Variants in IPO5 observed in about 807,000 individuals in gnomAD.
The protein encoded by IPO5 is importin-5.
Under a neutral mutation model 143.3 loss-of-function variants are expected in IPO5, and 18 were observed. That is an observed-to-expected ratio of 0.13 (90% CI 0.09 to 0.19). IPO5 has a LOEUF of 0.19. Among genes scored for constraint, IPO5 ranks in the 10% least tolerant of loss-of-function variants. The probability of loss-of-function intolerance (pLI) is 1.00; values close to 1 mark genes in which losing one functional copy is unlikely to be tolerated. For synonymous variants in IPO5, 477 were observed against 465.7 expected, an observed-to-expected ratio of 1.02 and a Z score of -0.31; for missense variants, 1,013 against 1,336.9, an observed-to-expected ratio of 0.76 and a Z score of 3.78.
At chr13:98,019,138 G>C (rs1890313853) in intron 26 of IPO5, among the ~76,000 whole-genome samples, 1 of 152,028 alleles carries the variant, frequency 6.6e-6, no homozygotes, top group Admixed American at 6.5e-5. Flanking sequence ...ATTTTTAGTA[G>C]AGATGGGGTT....
At chr13:97,986,360 A>ATT (rs1555306392) in intron 6 of IPO5, among the ~76,000 whole-genome samples, 2 of 141,314 alleles carry the variant, frequency 1.4e-5, no homozygotes, top group Non-Finnish European at 3.1e-5. Flanking sequence ...GTATATATAT[A>ATT]TTTTTTTTTT....
intron 4 of IPO5, among the ~76,000 whole-genome samples, chr13:97,980,361 C>A (rs1019391942): frequency 6.6e-6 from 1 of 152,216 alleles, no homozygotes; most frequent in African/African-American, 2.4e-5. Context: ...GTACTAAACT[C>A]TCCCACCATT....
chr13:97,976,660 T>G, intron 3 of IPO5, 33 bp from the exon 4 acceptor site: 1 of 1,097,288 alleles, frequency 9.1e-7, no homozygotes, highest in Admixed American at 2.8e-5. Context: ...TCACGGCTCC[T>G]GTCTCCCCTC....
chr13:98,002,324 GT>G (rs1347150086), intron 13 of IPO5, 142 bp from the exon 14 acceptor site: 1 of 689,388 alleles, frequency 1.5e-6, no homozygotes, highest in African/African-American at 1.8e-5. Flanking sequence ...CTATACAAAT[GT>G]TTTTATATTA....
At chr13:97,960,425 G>T (rs1884769779) in intron 2 of IPO5, 1 of 152,138 alleles carries the variant, frequency 6.6e-6, no homozygotes, top group East Asian at 1.9e-4. Flanking sequence ...GTGAATGATA[G>T]GGGGAAAAAA....
At chr13:98,008,821 T>G (rs981452866) in intron 18 of IPO5, among the ~76,000 whole-genome samples, 8 of 152,250 alleles carry the variant, frequency 5.3e-5, no homozygotes, top group African/African-American at 1.9e-4. Flanking sequence ...GTATTCCCAA[T>G]GCCTAACATA....
In IPO5 at chr13:98,018,620, A is replaced by G. The variant is rs1381626471; in HGVS notation, c.2752A>G (p.Ser918Gly). ...RPMLQYVCDN[S>G]PEVRQAAAYG... ...AATGCTCCAATATGTATGTGACAAC[A>G]GCCCAGAAGTCAGGCAAGCAGCTGC... Residue 918 changes from serine to glycine, a missense_variant, in exon 26 of 29, where the codon AGC becomes GGC. This residue lies in a region of IPO5 where 685 missense variants were observed against 994.9 expected (regional missense o/e 0.69). Coordinates refer to ENST00000651721, the MANE Select transcript of IPO5 (RefSeq NM_002271.6). The G allele has an allele frequency of 1.2e-6, 2 of 1,614,216 alleles. No homozygotes were observed.
Position 98,000,624 on chromosome 13 carries a change from A to G in IPO5, c.1087A>G (p.Ile363Val), listed in dbSNP as rs1168622167. 2 of 1,613,698 alleles carry G rather than the reference A, an allele frequency of 1.2e-6. No homozygotes were observed. The highest frequency in any genetic ancestry group is 1.3e-5 in the African/African-American group (1 of 75,058). The change falls in exon 13 of 29, where the codon ATT becomes GTT. Residue 363 changes from isoleucine to valine, a missense_variant. This residue lies in a region of IPO5 where 685 missense variants were observed against 994.9 expected (regional missense o/e 0.69). Transcript: ENST00000651721. ...CGTTCTGCCGATGATCAAGGAACAC[A>G]TTATGCAAATGCTTCAAAATCGTAA... ...KLVLPMIKEHIMQMLQNPDWK... is the reference protein window; with the variant it reads ...KLVLPMIKEHVMQMLQNPDWK...
At chr13:97,971,845 T>C (rs547166091) in intron 3 of IPO5, among the ~76,000 whole-genome samples, 4 of 152,318 alleles carry the variant, frequency 2.6e-5, no homozygotes, top group South Asian at 2.1e-4. Context: ...CAAATCCATC[T>C]TACTAATAAA....
At chr13:97,964,670 C>G (rs961645912) in intron 2 of IPO5, among the ~76,000 whole-genome samples, 1 of 151,714 alleles carries the variant, frequency 6.6e-6, no homozygotes, top group Admixed American at 6.6e-5. Flanking sequence ...AGGATGGTCT[C>G]GATCTCCTGA....
At chr13:98,003,173 G>A (rs181446446) in intron 16 of IPO5, 136 bp downstream of exon 16, 70 of 710,796 alleles carry the variant, frequency 9.8e-5, no homozygotes, top group African/African-American at 5.3e-4. Context: ...GAGGCTATTC[G>A]GAGTTGTGGA....
chr13:97,989,304 A>G (rs1313154598), intron 7 of IPO5, 140 bp downstream of exon 7: 2 of 506,070 alleles, frequency 4.0e-6, no homozygotes, highest in East Asian at 6.7e-5. Flanking sequence ...TTGTATTTGT[A>G]TTGGAAGCAA....
intron 27 of IPO5, among the ~76,000 whole-genome samples, 168 bp from the exon 28 acceptor site, chr13:98,020,823 GC>G (rs1006552197): frequency 6.6e-6 from 1 of 151,822 alleles, no homozygotes; most frequent in Admixed American, 6.6e-5. Flanking sequence ...TGAGAGATGA[GC>G]CCAGTATTTT....
rs756899201 is a variant in IPO5 at position 98,000,575 on chromosome 13, G to C, written c.1038G>C (p.Met346Ile). Residue 346 changes from methionine (M) to isoleucine (I), a missense_variant, in exon 13 of 29, where the codon ATG becomes ATC. Physicochemically the swap from Met to Ile is conservative, Grantham distance 10. Coordinates refer to ENST00000651721, the MANE Select transcript of IPO5 (RefSeq NM_002271.6). ...AVAGESALDR[M>I]ACGLGGKLVL... ...CAGGCGAGAGTGCTCTAGATCGAAT[G>C]GCTTGCGGACTTGGTGGAAAGCTCG... The C allele has an allele frequency of 1.4e-5, 23 of 1,614,156 alleles. 1 individual carries two copies. The South Asian group carries it at 2.4e-4, about 17-fold the overall frequency.
In IPO5 at chr13:98,016,734, T is replaced by C. The variant is rs1390138842; in HGVS notation, c.2499T>C (p.Asp833=). ...TATGTGTATGTTTTTTTTAGGATGA[T>C]AATGATGTTTATATTCTGACCAAAG... ...QVEESLQDED[D]NDVYILTKVS... is the part of the protein sequence containing the mutation. The change falls in exon 25 of 29, where the codon GAT becomes GAC. Residue 833 remains aspartate (D), a synonymous_variant. Coordinates refer to ENST00000651721, the MANE Select transcript of IPO5 (RefSeq NM_002271.6). 2 of 1,422,160 alleles carry C rather than the reference T, an allele frequency of 1.4e-6. No homozygotes were observed. Among genetic ancestry groups the C allele is most frequent in the Admixed American group, 2.3e-5 (1 of 43,036 alleles). The allele number at this position is 1,422,160 out of a possible 1,614,324, so 88.1% of individuals were successfully genotyped here.
chr13:97,986,949 T>G (rs1182659215), intron 6 of IPO5: 1 of 152,390 alleles, frequency 6.6e-6, no homozygotes, highest in Non-Finnish European at 1.5e-5. Context: ...GCTTTTAGTG[T>G]TGTTTGATGA....
intron 11 of IPO5, among the ~76,000 whole-genome samples, chr13:97,995,704 G>A (rs1332755812): frequency 2.0e-5 from 3 of 151,988 alleles, no homozygotes; most frequent in Non-Finnish European, 4.4e-5. Context: ...GCAGTGAGCC[G>A]AGATACCGCC....
At chr13:97,966,164 CCAG>C (rs1885321929) in intron 2 of IPO5, among the ~76,000 whole-genome samples, 1 of 150,596 alleles carries the variant, frequency 6.6e-6, no homozygotes, top group Non-Finnish European at 1.5e-5. Context: ...AATAGAACTT[CCAG>C]TAAAATATTG....
intron 20 of IPO5, among the ~76,000 whole-genome samples, chr13:98,011,385 G>T (rs1594121249): frequency 6.6e-6 from 1 of 152,090 alleles, no homozygotes; most frequent in South Asian, 2.1e-4. Context: ...CCGTCTCCTG[G>T]GTTCAAGTGA....
Sources: allele counts gnomAD v4.1 joint callset (sites outside exome capture counted in the v4.1 genomes callset), GRCh38; gene constraint gnomAD v4.1.1; regional missense constraint gnomAD v4.1.1; transcripts MANE v1.5; gene names NCBI Gene and HGNC (gene_info 2026-07-23, HGNC 2026-07-21).